The following RNASEH1 variants were observed in gnomAD, a reference collection of about 807,000 sequenced individuals.
RNASEH1 encodes ribonuclease H1, also known as ribonuclease H type II.
Under a neutral mutation model 34.6 loss-of-function variants are expected in RNASEH1, and 27 were observed. The observed-to-expected ratio is 0.78, with a 90% confidence interval of 0.58 to 1.08. The LOEUF is 1.08. Among genes scored for constraint, RNASEH1 ranks in the 50% least tolerant of loss-of-function variants. The pLI is 0.00. For synonymous variants in RNASEH1, 162 were observed against 138.4 expected (o/e 1.17, Z -1.20); for missense variants, 349 against 373.6 (o/e 0.93, Z 0.54).
At position 3,545,755 on chromosome 2, in the gene RNASEH1, A is replaced by C. The variant is rs1373160585; in HGVS notation, c.*30T>G. 6.6e-7 allele frequency: 1 copy of C among 1,520,568 alleles called. No homozygotes were observed. Among genetic ancestry groups the C allele is most frequent in the African/African-American group, 1.4e-5 (1 of 73,174 alleles). 94.2% of individuals were successfully genotyped at this position (1,520,568 alleles called of 1,614,324 possible). On this transcript the variant is annotated 3_prime_UTR_variant, in exon 8 of 8. Coordinates refer to ENST00000315212, the MANE Select transcript of RNASEH1 (RefSeq NM_002936.6). Reference sequence around the variant, plus strand: ...CAGGCAGCAAGACAGCCGCTGGCTCAAGTTCTCCCAAGGACTAAAGTCACA... The same window carrying C: ...CAGGCAGCAAGACAGCCGCTGGCTCCAGTTCTCCCAAGGACTAAAGTCACA...
At chr2:3,548,910 C>T (rs1669016249) in intron 5 of RNASEH1, 148 bp downstream of exon 5, 2 of 856,754 alleles carry the variant, frequency 2.3e-6, no homozygotes, top group South Asian at 1.6e-5. Context: ...AATTTTTCTA[C>T]AAAATTCCTA....
chr2:3,558,327 CA>C lies in RNASEH1; in HGVS notation c.-68del. On this transcript the variant is annotated 5_prime_UTR_variant, in exon 1 of 8. Coordinates refer to ENST00000315212, the MANE Select transcript of RNASEH1 (RefSeq NM_002936.6). ...AGCGTGGGCGCGAGCCGCCGGCGCT[CA>C]ACACCGCACTTCCGTCACCGGCGCG... The C allele has an allele frequency of 1.4e-6, 2 of 1,452,068 alleles. No homozygotes were observed. Among genetic ancestry groups the C allele is most frequent in the South Asian group, 1.4e-5 (1 of 70,582 alleles). The allele number at this position is 1,452,068 out of a possible 1,614,324, so 89.9% of individuals were successfully genotyped here.
chr2:3,546,695 G>C (rs959328985), intron 7 of RNASEH1, among the ~76,000 whole-genome samples: 1 of 152,158 alleles, frequency 6.6e-6, no homozygotes, highest in African/African-American at 2.4e-5. Context: ...CACTAGAATT[G>C]TATTACTTGT....
chr2:3,554,871 A>G (rs184883653), intron 2 of RNASEH1, among the ~76,000 whole-genome samples: 3 of 152,386 alleles, frequency 2.0e-5, no homozygotes, highest in African/African-American at 7.2e-5. Flanking sequence ...CCATCTGGGT[A>G]GAAAAATGAA....
At position 3,544,232 on chromosome 2, in the gene RNASEH1, C is replaced by A. The variant is rs1414456087; in HGVS notation, c.*1553G>T. On this transcript the variant is annotated 3_prime_UTR_variant, in exon 8 of 8. Transcript: ENST00000315212. ...GTACTTTCCTGAGGAAAGCTCCTAA[C>A]CGCCTGTTCTCCTGCCAAAGGGATC... Among the ~76,000 whole-genome samples, 2 of 152,190 alleles carry A rather than the reference C, an allele frequency of 1.3e-5. No homozygotes were observed. The highest frequency in any genetic ancestry group is 2.9e-5 in the Non-Finnish European group (2 of 68,038).
At chr2:3,537,452 G>C (rs955054235), downstream of RNASEH1, among the ~76,000 whole-genome samples, 1 of 152,214 alleles carries the variant, frequency 6.6e-6, no homozygotes, top group South Asian at 2.1e-4. Flanking sequence ...GCTAGGCACA[G>C]TGGCTCATGG....
chr2:3,531,995 A>G, the RNASEH1 span: 47,179 of 473,114 alleles, frequency 0.1, 2,775 homozygotes, highest in Middle Eastern at 0.13. Context: ...AGGTGTCTGG[A>G]GACAGAGAAA....
chr2:3,541,731 C>T lies in RNASEH1; in HGVS notation c.*4054G>A, dbSNP rs929054202. ...GGAGGACACGAGGGACGGTTTAGACCGGGGTGTGAAACTGCTGTTGGTGGT... is the reference window on the plus strand; with the variant it reads ...GGAGGACACGAGGGACGGTTTAGACTGGGGTGTGAAACTGCTGTTGGTGGT... On this transcript the variant is annotated 3_prime_UTR_variant, in exon 8 of 8. Coordinates refer to ENST00000315212, the MANE Select transcript of RNASEH1 (RefSeq NM_002936.6). 5.9e-5 allele frequency among the ~76,000 whole-genome samples: 9 copies of T among 152,270 alleles called. No individual in the cohort carries two copies. Among genetic ancestry groups the T allele is most frequent in the East Asian group, 5.8e-4 (3 of 5,178 alleles).
downstream of RNASEH1, among the ~76,000 whole-genome samples, chr2:3,538,835 C>T (rs935463938): frequency 2.6e-5 from 4 of 152,188 alleles, no homozygotes; most frequent in Non-Finnish European, 4.4e-5. Flanking sequence ...GGTGCCCATC[C>T]GCACTCAGCA....
At chr2:3,539,845 TTGAAA>T (rs1369283043), downstream of RNASEH1, among the ~76,000 whole-genome samples, 1 of 152,200 alleles carries the variant, frequency 6.6e-6, no homozygotes, top group Non-Finnish European at 1.5e-5. Context: ...CTTGCTCAAC[TTGAAA>T]TGAACATCAC....
At chr2:3,551,233 G>A (rs13018296) in intron 3 of RNASEH1, among the ~76,000 whole-genome samples, 47 of 152,256 alleles carry the variant, frequency 3.1e-4, no homozygotes, top group Non-Finnish European at 5.1e-4. Context: ...TCACAGGAGC[G>A]GGGCTGAGAG....
chr2:3,536,104 G>C, the RNASEH1 span, among the ~76,000 whole-genome samples: 1 of 152,198 alleles, frequency 6.6e-6, no homozygotes, highest in African/African-American at 2.4e-5. Flanking sequence ...CAGAGGGAGG[G>C]CCCAGAGACT....
chr2:3,547,030 C>T (rs964439376), intron 7 of RNASEH1, among the ~76,000 whole-genome samples: 4 of 152,050 alleles, frequency 2.6e-5, no homozygotes, highest in African/African-American at 4.8e-5. Context: ...GGCTGAGGCA[C>T]GAGAATCACT....
At chr2:3,555,354 A>C (rs1660382273) in intron 2 of RNASEH1, among the ~76,000 whole-genome samples, 1 of 152,226 alleles carries the variant, frequency 6.6e-6, no homozygotes, top group South Asian at 2.1e-4. Flanking sequence ...ATTGGCTGTC[A>C]TGCAGTAAGC....
At chr2:3,540,564 G>A (rs1250019572), downstream of RNASEH1, among the ~76,000 whole-genome samples, 3 of 152,034 alleles carry the variant, frequency 2.0e-5, no homozygotes, top group African/African-American at 4.8e-5. Context: ...ACCTGCCACC[G>A]CGCCTGGGTA....
At chr2:3,550,168 GC>G in intron 4 of RNASEH1, 7 of 266,356 alleles carry the variant, frequency 2.6e-5, no homozygotes, top group East Asian at 6.6e-5. Context: ...AAAAAAAAAA[GC>G]AAAGGAAGTA....
At chr2:3,536,937 C>A (rs1415952140), downstream of RNASEH1, 3 of 152,270 alleles carry the variant, frequency 2.0e-5, no homozygotes, top group African/African-American at 7.2e-5. Flanking sequence ...AGCACGAGCA[C>A]TCTGGGGTCT....
In RNASEH1 at chr2:3,550,364, T is replaced by C; in HGVS notation, c.509+9A>G. On this transcript the variant is annotated intron_variant, in intron 4 of 7. Coordinates refer to ENST00000315212, the MANE Select transcript of RNASEH1 (RefSeq NM_002936.6). Reference sequence around the variant, plus strand: ...ATGATTCAGTAAAACTCAGCTTCGTTTAACTTACAAAGGATGGCCTGGCCC... The same window carrying C: ...ATGATTCAGTAAAACTCAGCTTCGTCTAACTTACAAAGGATGGCCTGGCCC... 1 of 1,606,474 alleles carries C rather than the reference T, an allele frequency of 6.2e-7. No individual in the cohort carries two copies. The highest frequency in any genetic ancestry group is 8.5e-7 in the Non-Finnish European group (1 of 1,173,116).
downstream of RNASEH1, among the ~76,000 whole-genome samples, chr2:3,537,969 G>A (rs958423624): frequency 9.9e-5 from 15 of 151,722 alleles, no homozygotes; most frequent in Non-Finnish European, 1.2e-4. Context: ...CCCAGGAGGC[G>A]GAGGTTGCGG....
Sources: gnomAD v4.1 joint callset for allele counts (sites outside exome capture counted in the v4.1 genomes callset) on GRCh38, gnomAD v4.1.1 for gene constraint, MANE v1.5 for transcripts, NCBI Gene and HGNC (gene_info 2026-07-23, HGNC 2026-07-21) for gene names.